The following APPL2 variants were observed in gnomAD, a reference collection of about 807,000 sequenced individuals.
The protein encoded by APPL2 is DCC-interacting protein 13-beta.
APPL2 carries 84 observed loss-of-function variants against 92.7 expected under a neutral mutation model. The ratio of observed to expected loss-of-function variants is 0.91; its 90% confidence interval spans 0.76 to 1.09. The LOEUF (loss-of-function observed/expected upper bound fraction) is 1.09, where lower values mean the gene tolerates loss of function less well. Ranked by LOEUF, APPL2 falls within the 50% of genes least tolerant of loss-of-function variation. The probability of loss-of-function intolerance (pLI) is 0.00; values close to 1 mark genes in which losing one functional copy is unlikely to be tolerated. For synonymous variants in APPL2, 291 were observed against 291.0 expected, an observed-to-expected ratio of 1.00 and a Z score of 0.00; for missense variants, 736 against 824.5, an observed-to-expected ratio of 0.89 and a Z score of 1.31.
chr12:105,177,281 C>G lies in APPL2; in HGVS notation c.1635-19G>C, dbSNP rs751654637. 1 of 1,608,416 alleles carries G rather than the reference C, an allele frequency of 6.2e-7. No homozygotes were observed. Among genetic ancestry groups the G allele is most frequent in the Non-Finnish European group, 8.5e-7 (1 of 1,175,000 alleles). On this transcript the variant is annotated intron_variant, in intron 17 of 20. Transcript: ENST00000258530. ...TATCAACCTGAAATTTTAAAAGATA[C>G]ATTATGTCACAAATGTTGGATAAAT...
chr12:105,212,160 A>C (rs2136026885), intron 4 of APPL2, among the ~76,000 whole-genome samples: 2 of 151,404 alleles, frequency 1.3e-5, no homozygotes, highest in South Asian at 2.1e-4. Context: ...TACCAAAACA[A>C]CTCTGCCAGA....
At chr12:105,176,450 A>G (rs1389082412) in intron 19 of APPL2, 4 of 447,666 alleles carry the variant, frequency 8.9e-6, no homozygotes, top group African/African-American at 6.1e-5. Flanking sequence ...ATAAATTCTA[A>G]GTAGCAGATA....
chr12:105,179,392 G>A (rs929973022), intron 17 of APPL2, among the ~76,000 whole-genome samples: 3 of 152,164 alleles, frequency 2.0e-5, no homozygotes, highest in South Asian at 2.1e-4. Context: ...ATCATTGATG[G>A]GCATTTGGGT....
chr12:105,193,428 G>C (rs1887393171), intron 14 of APPL2, among the ~76,000 whole-genome samples: 1 of 152,206 alleles, frequency 6.6e-6, no homozygotes, highest in African/African-American at 2.4e-5. Flanking sequence ...ACATCTAGCT[G>C]TGTATAACAC....
At chr12:105,215,054 C>T (rs1348210170) in intron 4 of APPL2, among the ~76,000 whole-genome samples, 1 of 152,184 alleles carries the variant, frequency 6.6e-6, no homozygotes, top group Non-Finnish European at 1.5e-5. Context: ...TCATCTGTGT[C>T]CTCTGTAATA....
chr12:105,202,503 A>T (rs1028427535), intron 9 of APPL2, among the ~76,000 whole-genome samples: 1 of 152,256 alleles, frequency 6.6e-6, no homozygotes, highest in Non-Finnish European at 1.5e-5. Context: ...CCAGAAACAC[A>T]GAAGTGCGAG....
chr12:105,211,400 G>C (rs1250427257), intron 4 of APPL2, 83 bp from the exon 5 acceptor site: 1 of 1,003,684 alleles, frequency 1.0e-6, no homozygotes, highest in Non-Finnish European at 1.5e-6. Context: ...GAATCACACT[G>C]AACACTTCCG....
At chr12:105,183,067 CTGCT>C (rs1886260412) in intron 17 of APPL2, among the ~76,000 whole-genome samples, 1 of 113,786 alleles carries the variant, frequency 8.8e-6, no homozygotes, top group Non-Finnish European at 1.7e-5. Flanking sequence ...ATTGCAACCC[CTGCT>C]TTTTTTTTTT....
intron 14 of APPL2, among the ~76,000 whole-genome samples, chr12:105,194,176 G>C (rs1045190491): frequency 6.6e-6 from 1 of 152,084 alleles, no homozygotes; most frequent in Non-Finnish European, 1.5e-5. Context: ...AAATATAGTC[G>C]TAATTTTAAT....
intron 1 of APPL2, chr12:105,229,576 G>A (rs2136092515): frequency 9.9e-7 from 1 of 1,009,854 alleles, no homozygotes; most frequent in Non-Finnish European, 1.2e-6. Flanking sequence ...TAAAAGGGCA[G>A]CCTCTCCTCT....
intron 9 of APPL2, among the ~76,000 whole-genome samples, chr12:105,202,034 T>G (rs1174712522): frequency 6.6e-6 from 1 of 152,240 alleles, no homozygotes; most frequent in Admixed American, 6.5e-5. Context: ...AAACCATCCC[T>G]TGGTTTGGAG....
chr12:105,229,085 T>C (rs1410989438), intron 2 of APPL2, 40 bp downstream of exon 2: 4 of 1,534,060 alleles, frequency 2.6e-6, no homozygotes, highest in Non-Finnish European at 2.7e-6. Context: ...GGGGAGAGAA[T>C]GCCCACTCTG....
chr12:105,213,983 C>G (rs1361192774), intron 4 of APPL2, among the ~76,000 whole-genome samples: 1 of 151,984 alleles, frequency 6.6e-6, no homozygotes, highest in Non-Finnish European at 1.5e-5. Flanking sequence ...GTCAGGAGTT[C>G]AAGACCAGCC....
At chr12:105,229,544 T>C in intron 1 of APPL2, 1 of 1,022,330 alleles carries the variant, frequency 9.8e-7, no homozygotes, top group Non-Finnish European at 1.2e-6. Context: ...ACCAGTAAAG[T>C]CTATCCAATA....
At chr12:105,231,856 C>CA (rs1251130399) in intron 1 of APPL2, among the ~76,000 whole-genome samples, 1 of 152,192 alleles carries the variant, frequency 6.6e-6, no homozygotes, top group African/African-American at 2.4e-5. Context: ...AACCAGCTAC[C>CA]TTGGACACTG....
chr12:105,188,341 A>G lies in APPL2; in HGVS notation c.1566T>C (p.Ala522=), dbSNP rs1686018389. 1 of 1,614,248 alleles carries G rather than the reference A, an allele frequency of 6.2e-7. No homozygotes were observed. The highest frequency in any genetic ancestry group is 8.5e-7 in the Non-Finnish European group (1 of 1,180,034). Residue 522 remains alanine, a synonymous_variant, in exon 17 of 21, where the codon GCT becomes GCC. Transcript: ENST00000258530. ...VIYEAMRQVL[A]ARAIHNIFRM... ...GGAAGATGTTATGAATAGCCCGAGC[A>G]GCCAATACTTGTCTCATCGCTTCAT... is the stretch of plus-strand genomic sequence containing the variant.
chr12:105,225,811 T>A (rs555189568), intron 2 of APPL2, among the ~76,000 whole-genome samples: 35 of 152,364 alleles, frequency 2.3e-4, no homozygotes, highest in Admixed American at 1.1e-3. Context: ...AAACTGCTCA[T>A]AGAAGTTTTC....
At chr12:105,198,748 T>G (rs12312965) in intron 10 of APPL2, among the ~76,000 whole-genome samples, 20,233 of 152,172 alleles carry the variant, frequency 0.13, 1,588 homozygotes, top group African/African-American at 0.22. Context: ...TCTAACTTCG[T>G]AAAGCAGGTG....
chr12:105,218,215 G>C (rs986351977), intron 2 of APPL2, among the ~76,000 whole-genome samples: 1 of 152,134 alleles, frequency 6.6e-6, no homozygotes, highest in Admixed American at 6.5e-5. Flanking sequence ...AAAATGTTTT[G>C]TTCAGACATT....
Sources: allele counts gnomAD v4.1 joint callset (sites outside exome capture counted in the v4.1 genomes callset), GRCh38; gene constraint gnomAD v4.1.1; transcripts MANE v1.5; gene names NCBI Gene and HGNC (gene_info 2026-07-23, HGNC 2026-07-21).